The following AVEN variants were observed in gnomAD, a reference collection of about 807,000 sequenced individuals.
AVEN encodes the protein cell death regulator Aven.
AVEN carries 41 observed loss-of-function variants against 38.1 expected under a neutral mutation model. The ratio of observed to expected loss-of-function variants is 1.08; its 90% CI spans 0.84 to 1.40. The LOEUF (loss-of-function observed/expected upper bound fraction) is 1.40. AVEN is among the 40% of genes most tolerant of loss of function. The pLI, the probability that AVEN is intolerant of heterozygous loss-of-function variation, is 0.00. For synonymous variants in AVEN, 206 were observed against 171.8 expected (o/e 1.20, Z -1.56); for missense variants, 605 against 438.8 (o/e 1.38, Z -3.38).
chr15:33,970,184 G>A (rs1304865938), intron 2 of AVEN, among the ~76,000 whole-genome samples: 1 of 151,922 alleles, frequency 6.6e-6, no homozygotes, highest in African/African-American at 2.4e-5. Flanking sequence ...TTCAATACTT[G>A]TCTAAAAGTA....
At chr15:33,960,910 T>A (rs1468679764) in intron 2 of AVEN, among the ~76,000 whole-genome samples, 2 of 152,260 alleles carry the variant, frequency 1.3e-5, no homozygotes, top group Non-Finnish European at 2.9e-5. Flanking sequence ...AGGACTAAAG[T>A]ACCAATCTTA....
At chr15:33,927,124 G>A (rs565256363) in intron 2 of AVEN, among the ~76,000 whole-genome samples, 13 of 151,954 alleles carry the variant, frequency 8.6e-5, no homozygotes, top group African/African-American at 2.4e-4. Context: ...GTGTGGTGGC[G>A]GGCGCCTGTA....
chr15:33,904,714 T>TACACACACACAC (rs201939919), intron 2 of AVEN, among the ~76,000 whole-genome samples: 8 of 142,726 alleles, frequency 5.6e-5, no homozygotes, highest in East Asian at 4.1e-4. Flanking sequence ...TATATATATA[T>TACACACACACAC]ATACACACAC....
intron 2 of AVEN, among the ~76,000 whole-genome samples, chr15:33,948,817 T>A (rs1894607295): frequency 6.6e-6 from 1 of 150,956 alleles, no homozygotes; most frequent in African/African-American, 2.4e-5. Context: ...TGATTACAGG[T>A]GCCCATCACC....
At chr15:33,945,869 G>A (rs868146248) in intron 2 of AVEN, among the ~76,000 whole-genome samples, 10 of 152,168 alleles carry the variant, frequency 6.6e-5, no homozygotes, top group Non-Finnish European at 1.5e-4. Context: ...ACAAGCGTGA[G>A]CCACCTCCCC....
chr15:34,004,588 T>C (rs1232849253), intron 1 of AVEN, among the ~76,000 whole-genome samples: 1 of 152,136 alleles, frequency 6.6e-6, no homozygotes, highest in East Asian at 1.9e-4. Flanking sequence ...ATAATACTGG[T>C]ATTGCAATTT....
chr15:34,029,756 A>G (rs1311287574), intron 1 of AVEN, among the ~76,000 whole-genome samples: 1 of 152,158 alleles, frequency 6.6e-6, no homozygotes, highest in Non-Finnish European at 1.5e-5. Context: ...CCTTGGAAGG[A>G]ATTGAAGTGT....
chr15:33,997,542 C>G (rs1896985380), intron 2 of AVEN, among the ~76,000 whole-genome samples: 1 of 152,124 alleles, frequency 6.6e-6, no homozygotes, highest in African/African-American at 2.4e-5. Context: ...CCCTGCCCCA[C>G]CAAATCTCAA....
intron 4 of AVEN, among the ~76,000 whole-genome samples, chr15:33,869,855 T>C (rs1890860713): frequency 6.6e-6 from 1 of 151,564 alleles, no homozygotes; most frequent in African/African-American, 2.4e-5. Flanking sequence ...CGTGCCAGAA[T>C]GTTGAAGTTC....
At chr15:34,030,307 T>C (rs750540400) in intron 1 of AVEN, among the ~76,000 whole-genome samples, 29 of 152,172 alleles carry the variant, frequency 1.9e-4, no homozygotes, top group Non-Finnish European at 3.7e-4. Flanking sequence ...AAATTCACAT[T>C]GCATGAAACT....
At chr15:33,873,728 T>A (rs913339674) in intron 3 of AVEN, among the ~76,000 whole-genome samples, 6 of 152,002 alleles carry the variant, frequency 3.9e-5, no homozygotes, top group African/African-American at 1.4e-4. Flanking sequence ...TACCAACACC[T>A]CCAACTCGAA....
chr15:33,882,846 C>A (rs1057509695), intron 2 of AVEN, among the ~76,000 whole-genome samples: 2 of 152,124 alleles, frequency 1.3e-5, no homozygotes, highest in African/African-American at 4.8e-5. Context: ...GCACTCCAGC[C>A]TGGGTGACGG....
intron 2 of AVEN, among the ~76,000 whole-genome samples, chr15:33,951,311 G>A (rs1273654583): frequency 1.3e-5 from 2 of 151,860 alleles, no homozygotes; most frequent in East Asian, 3.9e-4. Flanking sequence ...ACAATTAATA[G>A]TTTGACCATG....
chr15:33,867,439 T>G, intron 5 of AVEN, 56 bp downstream of exon 5: 2 of 1,532,558 alleles, frequency 1.3e-6, no homozygotes, highest in Non-Finnish European at 1.7e-6. Flanking sequence ...CGGGCGGGGC[T>G]GTTCTTGAAA....
At chr15:33,868,029 C>G (rs1246421097) in intron 4 of AVEN, among the ~76,000 whole-genome samples, 174 bp from the exon 5 acceptor site, 2 of 152,182 alleles carry the variant, frequency 1.3e-5, no homozygotes, top group African/African-American at 2.4e-5. Context: ...TTCCTGACAT[C>G]TGGGGTAAAT....
intron 11 of AVEN, chr15:33,859,111 G>A (rs897002298): frequency 3.9e-5 from 6 of 155,776 alleles, no homozygotes; most frequent in Non-Finnish European, 8.5e-5. Context: ...AACAGGAGGA[G>A]CAGAAAAGTC....
At chr15:33,857,676 T>C (rs569698195), downstream of AVEN, 4 of 1,447,698 alleles carry the variant, frequency 2.8e-6, no homozygotes, top group African/African-American at 4.2e-5. Context: ...TTCCTCTCCT[T>C]GCCCGTCCTC....
intron 2 of AVEN, among the ~76,000 whole-genome samples, chr15:33,960,735 T>C (rs562345708): frequency 3.9e-5 from 6 of 152,210 alleles, no homozygotes; most frequent in Non-Finnish European, 5.9e-5. Flanking sequence ...TCTTCTGCTG[T>C]ATAGCGACTT....
At chr15:33,862,462 C>G (rs1317464420), downstream of AVEN, among the ~76,000 whole-genome samples, 2 of 152,178 alleles carry the variant, frequency 1.3e-5, no homozygotes, top group Non-Finnish European at 2.9e-5. Flanking sequence ...CCACCTTGGC[C>G]TCCCAGAGTG....
Sources: gnomAD v4.1 joint callset for allele counts (sites outside exome capture counted in the v4.1 genomes callset) on GRCh38, gnomAD v4.1.1 for gene constraint, MANE v1.5 for transcripts, NCBI Gene and HGNC (gene_info 2026-07-23, HGNC 2026-07-21) for gene names.